EML1: variants seen among roughly 807,000 people sequenced by gnomAD.
EML1 encodes the protein EMAP like 1.
A neutral mutation model predicts 110.4 loss-of-function variants in EML1; 27 were observed. The observed-to-expected ratio is 0.24, with a 90% CI of 0.18 to 0.34. The LOEUF (loss-of-function observed/expected upper bound fraction) is 0.34. EML1 is among the 10% of genes least tolerant of loss of function. The pLI is 1.00. For missense variants in EML1, 741 were observed against 1,030.9 expected (o/e 0.72, Z 3.85); for synonymous variants, 344 against 385.8 (o/e 0.89, Z 1.27).
intron 1 of EML1, among the ~76,000 whole-genome samples, chr14:99,839,757 G>T (rs1001980020): frequency 6.6e-6 from 1 of 152,204 alleles, no homozygotes; most frequent in African/African-American, 2.4e-5. Context: ...TTTGAAACAG[G>T]TTTATTTTGA....
intron 1 of EML1, among the ~76,000 whole-genome samples, chr14:99,834,464 G>T (rs1231595435): frequency 6.6e-6 from 1 of 152,028 alleles, no homozygotes; most frequent in Non-Finnish European, 1.5e-5. Flanking sequence ...ACCATGCCCA[G>T]GTGATTTCTG....
rs750386444 is a variant in EML1, at chr14:99,872,275, C to T, written c.384-6210C>T. 3.3e-4 allele frequency among the ~76,000 whole-genome samples: 50 copies of T among 152,270 alleles called. 1 individual carries two copies. Among genetic ancestry groups the T allele is most frequent in the South Asian group, 1.5e-3 (7 of 4,808 alleles). On this transcript the variant is annotated intron_variant, in intron 3 of 21. Transcript: ENST00000262233. ...AGGGCTCCTAGGTGGCAATTACTCTCAGCAATTTTATCTTAGGGAAGAAGG... is the reference window on the plus strand; with the variant it reads ...AGGGCTCCTAGGTGGCAATTACTCTTAGCAATTTTATCTTAGGGAAGAAGG...
chr14:99,751,849 T>C (rs2057179386), intron 1 of EML1, among the ~76,000 whole-genome samples: 2 of 152,062 alleles, frequency 1.3e-5, no homozygotes, highest in Non-Finnish European at 2.9e-5. Context: ...GGGGTCTATC[T>C]GCAGTCTGAA....
chr14:99,939,224 C>G lies in EML1; in HGVS notation c.2219C>G (p.Thr740Ser). The G allele has an allele frequency of 6.2e-7, 1 of 1,614,184 alleles. No homozygotes were observed. The highest frequency in any genetic ancestry group is 8.5e-7 in the Non-Finnish European group (1 of 1,180,014). The change falls in exon 21 of 22, where the codon ACC (threonine) becomes AGC (serine). Residue 740 changes from threonine to serine, a missense_variant. Transcript: ENST00000262233. The surrounding 1 kb of genome is among the most constrained non-coding windows in gnomAD (Gnocchi z 4.2). ...FGVWPEGSDG[T>S]DINAVCRAHE... ...GTGTGGCCAGAAGGCTCGGACGGAA[C>G]CGACATCAATGCCGTCTGTCGGGCC... is the stretch of plus-strand genomic sequence containing the variant.
chr14:99,910,094 G>C (rs2059921801), intron 11 of EML1, 148 bp from the exon 12 acceptor site: 2 of 536,774 alleles, frequency 3.7e-6, no homozygotes, highest in Non-Finnish European at 6.4e-6. Context: ...AGAAATGCAA[G>C]GTGTGCAGGG....
intron 10 of EML1, 150 bp from the exon 11 acceptor site, chr14:99,909,195 T>C: frequency 8.1e-7 from 1 of 1,234,008 alleles, no homozygotes; most frequent in East Asian, 2.3e-5. Flanking sequence ...TTGATGTTTT[T>C]AGCAAGATGG....
intron 7 of EML1, among the ~76,000 whole-genome samples, chr14:99,897,826 C>T (rs17099197): frequency 0.18 from 27,857 of 152,002 alleles, 2,963 homozygotes; most frequent in East Asian, 0.43. Flanking sequence ...AGGATGGATG[C>T]GTGAAGAGAT....
upstream of EML1, among the ~76,000 whole-genome samples, chr14:99,789,620 G>A (rs1188838836): frequency 1.3e-5 from 2 of 152,200 alleles, no homozygotes; most frequent in Non-Finnish European, 2.9e-5. Flanking sequence ...CAAGCATAGG[G>A]CCTGGCACTG....
chr14:99,908,951 G>A (rs1480676885), intron 10 of EML1, among the ~76,000 whole-genome samples: 1 of 152,064 alleles, frequency 6.6e-6, no homozygotes, highest in African/African-American at 2.4e-5. Flanking sequence ...CCATTTGTTC[G>A]GCCAGACTGG....
chr14:99,754,742 C>G (rs1220610727), intron 1 of EML1, among the ~76,000 whole-genome samples: 1 of 152,208 alleles, frequency 6.6e-6, no homozygotes, highest in Non-Finnish European at 1.5e-5. Flanking sequence ...GTCTCTCAGC[C>G]TCGCCAAGCC....
At chr14:99,765,658 G>A (rs1385143961) in intron 1 of EML1, among the ~76,000 whole-genome samples, 1 of 152,038 alleles carries the variant, frequency 6.6e-6, no homozygotes, top group Non-Finnish European at 1.5e-5. Flanking sequence ...GGCTGGAGTT[G>A]CAGTGATGCA....
chr14:99,742,504 A>G (rs1376394036), intron 1 of EML1, among the ~76,000 whole-genome samples: 2 of 152,138 alleles, frequency 1.3e-5, no homozygotes, highest in Middle Eastern at 6.3e-3. Flanking sequence ...GGTGAGGTCC[A>G]CACAGAAGAG....
intron 3 of EML1, among the ~76,000 whole-genome samples, chr14:99,877,289 C>A (rs1185002422): frequency 1.3e-5 from 2 of 152,006 alleles, no homozygotes; most frequent in African/African-American, 2.4e-5. Context: ...TCCCAAAGGC[C>A]CCACCCCCTA....
At chr14:99,891,297 A>G in intron 5 of EML1, 70 bp downstream of exon 5, 1 of 1,601,882 alleles carries the variant, frequency 6.2e-7, no homozygotes. Flanking sequence ...ACAGAAAAGA[A>G]GTAGCCAGCT....
At chr14:99,760,462 G>C (rs991719848) in intron 1 of EML1, among the ~76,000 whole-genome samples, 1 of 152,170 alleles carries the variant, frequency 6.6e-6, no homozygotes, top group Non-Finnish European at 1.5e-5. Context: ...CTGGCTTTCG[G>C]CATGGAACCA....
intron 1 of EML1, among the ~76,000 whole-genome samples, chr14:99,796,348 A>G (rs2057774822): frequency 6.6e-6 from 1 of 152,096 alleles, no homozygotes; most frequent in Non-Finnish European, 1.5e-5. Flanking sequence ...GTGGACATTA[A>G]ATGCAAAGTT....
chr14:99,937,539 C>A (rs2060497339), intron 19 of EML1, among the ~76,000 whole-genome samples: 1 of 152,100 alleles, frequency 6.6e-6, no homozygotes. Flanking sequence ...GACCCAGGAA[C>A]CAGAGGCTAG....
chr14:99,859,663 A>C (rs1007332578), intron 2 of EML1, among the ~76,000 whole-genome samples: 6 of 151,588 alleles, frequency 4.0e-5, no homozygotes, highest in Middle Eastern at 3.4e-3. Flanking sequence ...TACCTCCCCC[A>C]CTCTGCCTTG....
At chr14:99,928,215 A>ATGG (rs1186228335) in intron 17 of EML1, among the ~76,000 whole-genome samples, 2 of 3,362 alleles carry the variant, frequency 5.9e-4, no homozygotes, top group Non-Finnish European at 9.3e-4. Context: ...GGTGATGGTG[A>ATGG]TGGTGGTGGT....
Sources: allele counts gnomAD v4.1 joint callset (sites outside exome capture counted in the v4.1 genomes callset), GRCh38; gene constraint gnomAD v4.1.1; non-coding constraint Gnocchi (gnomAD v3.1); transcripts MANE v1.5; gene names NCBI Gene and HGNC (gene_info 2026-07-23, HGNC 2026-07-21).